Variants in ZKSCAN1 observed in about 807,000 individuals in gnomAD.
ZKSCAN1 encodes the protein zinc finger with KRAB and SCAN domains 1, also known as zinc finger protein with KRAB and SCAN domains 1.
A neutral mutation model predicts 51.6 loss-of-function variants in ZKSCAN1; 14 were observed. The ratio of observed to expected loss-of-function variants is 0.27; its 90% confidence interval spans 0.18 to 0.42. The LOEUF (loss-of-function observed/expected upper bound fraction) is 0.42, where lower values mean the gene tolerates loss of function less well. Ranked by LOEUF, ZKSCAN1 falls within the 10% of genes least tolerant of loss-of-function variation. ZKSCAN1 has a pLI of 1.00. For synonymous variants in ZKSCAN1, 263 were observed against 261.5 expected (o/e 1.01, Z -0.06); for missense variants, 531 against 710.0 (o/e 0.75, Z 2.86).
intron 5 of ZKSCAN1, among the ~76,000 whole-genome samples, chr7:100,031,101 G>C (rs928615154): frequency 6.6e-6 from 1 of 152,092 alleles, no homozygotes; most frequent in Admixed American, 6.6e-5. Flanking sequence ...AAGCCCTCAC[G>C]TGAGTACAGC....
At chr7:100,016,810 T>G (rs1584322964) in intron 1 of ZKSCAN1, 1 of 152,330 alleles carries the variant, frequency 6.6e-6, no homozygotes, top group South Asian at 2.1e-4. Flanking sequence ...TGAATTGAAT[T>G]GTGGAGAATT....
rs989206694 is a variant in ZKSCAN1, at chr7:100,039,451, G to A, written c.*5254G>A. 3.5e-5 allele frequency: 34 copies of A among 985,434 alleles called. No individual in the cohort carries two copies. The highest frequency in any genetic ancestry group is 5.2e-4 in the Middle Eastern group (1 of 1,914). 61.0% of individuals were successfully genotyped at this position (985,434 alleles called of 1,614,324 possible). A position where few individuals can be genotyped will look rare whatever the true frequency, so the allele number is the denominator to read the frequency against. On this transcript the variant is annotated 3_prime_UTR_variant, in exon 6 of 6. Transcript: ENST00000324306. The stretch of plus-strand genomic sequence containing the variant: ...TCTGATGAAGCTCGGGAAGCATTTT[G>A]CAATATTCCCTTTGGCTGTGTTCCT...
intron 1 of ZKSCAN1, among the ~76,000 whole-genome samples, chr7:100,020,127 A>G (rs939846871): frequency 6.6e-6 from 1 of 152,198 alleles, no homozygotes; most frequent in Non-Finnish European, 1.5e-5. Context: ...TCTTACTGTT[A>G]TAGTTATGAG....
chr7:100,030,006 G>A (rs748372740), intron 4 of ZKSCAN1, 54 bp downstream of exon 4: 396 of 1,592,418 alleles, frequency 2.5e-4, no homozygotes, highest in Non-Finnish European at 3.3e-4. Context: ...CTCTGTTCCT[G>A]AGCTCTCTTC....
In ZKSCAN1 at chr7:100,040,665, G is replaced by T. The variant is rs893307365; in HGVS notation, c.*6468G>T. 15 of 985,474 alleles carry T rather than the reference G, an allele frequency of 1.5e-5. No individual in the cohort carries two copies. The highest frequency in any genetic ancestry group is 1.8e-5 in the Non-Finnish European group (15 of 829,972). The allele number at this position is 985,474 out of a possible 1,614,324, so 61.0% of individuals were successfully genotyped here. A position where few individuals can be genotyped will look rare whatever the true frequency, so the allele number is the denominator to read the frequency against. Reference sequence around the variant, plus strand: ...AGTATGGAAGGAGAAGGGGGAAGAGGACGGTAACGGCCCCACACTCCAGGC... The same window carrying T: ...AGTATGGAAGGAGAAGGGGGAAGAGTACGGTAACGGCCCCACACTCCAGGC... On this transcript the variant is annotated 3_prime_UTR_variant, in exon 6 of 6. Coordinates refer to ENST00000324306, the MANE Select transcript of ZKSCAN1 (RefSeq NM_003439.4).
At position 100,034,133 on chromosome 7, in the gene ZKSCAN1, G is replaced by C; in HGVS notation, c.1628G>C (p.Arg543Thr). ...TLHHRIHARE[R>T]ASEYSPASLD... ...CATCACAGAATCCATGCCAGAGAGA[G>C]AGCCTCTGAGTACAGCCCAGCCTCC... The change falls in exon 6 of 6, where the codon AGA becomes ACA. Residue 543 changes from arginine to threonine, a missense_variant. By Grantham distance (71) the Arg-to-Thr change is moderately conservative (BLOSUM62 -1). This residue lies in a region of ZKSCAN1 where 128 missense variants were observed against 219.5 expected (regional missense o/e 0.58). Coordinates refer to ENST00000324306, the MANE Select transcript of ZKSCAN1 (RefSeq NM_003439.4). 1 of 1,590,146 alleles carries C rather than the reference G, an allele frequency of 6.3e-7. No individual in the cohort carries two copies.
At chr7:100,025,079 T>C (rs1790766833) in intron 3 of ZKSCAN1, 2 of 152,032 alleles carry the variant, frequency 1.3e-5, no homozygotes, top group African/African-American at 4.8e-5. Flanking sequence ...AAATGAACTA[T>C]GCGTAATGAA....
chr7:100,033,418 C>T lies in ZKSCAN1; in HGVS notation c.913C>T (p.Arg305Cys), dbSNP rs769933032. ...GRSQKEFGEK[R>C]DQEGKTGERQ... ...ATCCCAGAAAGAGTTTGGAGAGAAA[C>T]GTGACCAGGAGGGCAAAACAGGAGA... Residue 305 changes from arginine to cysteine, a missense_variant, in exon 6 of 6, where the codon CGT becomes TGT. Physicochemically the swap from Arg to Cys is radical, Grantham distance 180. Around this residue, in one of 2 missense-constraint regions of ZKSCAN1, gnomAD observed 403 missense variants for 490.5 expected, o/e 0.82. Coordinates refer to ENST00000324306, the MANE Select transcript of ZKSCAN1 (RefSeq NM_003439.4). This position sits in a 1 kb window ranked among gnomAD's most constrained non-coding sequence, Gnocchi z 4.1. 32 of 1,613,766 alleles carry T rather than the reference C, an allele frequency of 2.0e-5. No homozygotes were observed. The highest frequency in any genetic ancestry group is 1.5e-4 in the Admixed American group (9 of 59,942).
rs1479466278 is a variant in ZKSCAN1 at position 100,039,557 on chromosome 7, A to C, written c.*5360A>C. ...TTGCAAAGACTCGTTGCTGTGAAAG[A>C]ATCTTTTTTTAATTTTTATCCTAGA... On this transcript the variant is annotated 3_prime_UTR_variant, in exon 6 of 6. Coordinates refer to ENST00000324306, the MANE Select transcript of ZKSCAN1 (RefSeq NM_003439.4). 1.0e-6 allele frequency: 1 copy of C among 985,258 alleles called. No homozygotes were observed. Among genetic ancestry groups the C allele is most frequent in the Non-Finnish European group, 1.2e-6 (1 of 829,938 alleles). 61.0% of individuals were successfully genotyped at this position (985,258 alleles called of 1,614,324 possible).
chr7:100,016,120 G>A (rs1425401128), intron 1 of ZKSCAN1, among the ~76,000 whole-genome samples: 1 of 151,922 alleles, frequency 6.6e-6, no homozygotes, highest in Admixed American at 6.5e-5. Flanking sequence ...TTTGATTCCG[G>A]TGAGGTGTCT....
chr7:100,037,620 A>G lies in ZKSCAN1; in HGVS notation c.*3423A>G, dbSNP rs554751338. ...ACTGTAAATAAACTTGATGAATATTATATGTGAGGAAAACTTTCATGTATA... is the reference window on the plus strand; with the variant it reads ...ACTGTAAATAAACTTGATGAATATTGTATGTGAGGAAAACTTTCATGTATA... On this transcript the variant is annotated 3_prime_UTR_variant, in exon 6 of 6. Transcript: ENST00000324306. The G allele has an allele frequency of 3.7e-3, 3,681 of 985,468 alleles. 14 individuals carry two copies. Among genetic ancestry groups the G allele is most frequent in the Non-Finnish European group, 4.2e-3 (3,507 of 829,930 alleles). The allele number at this position is 985,468 out of a possible 1,614,324, so 61.0% of individuals were successfully genotyped here.
downstream of ZKSCAN1, among the ~76,000 whole-genome samples, chr7:100,044,296 T>G (rs1174114633): frequency 1.3e-5 from 2 of 152,112 alleles, no homozygotes; most frequent in African/African-American, 2.4e-5. Flanking sequence ...CTCTCTCCCC[T>G]CACTGCAAGA....
Position 100,038,459 on chromosome 7 carries a change from G to C in ZKSCAN1, c.*4262G>C. The C allele has an allele frequency of 1.0e-6, 1 of 985,154 alleles. No homozygotes were observed. The highest frequency in any genetic ancestry group is 1.2e-6 in the Non-Finnish European group (1 of 829,672). 61.0% of individuals were successfully genotyped at this position (985,154 alleles called of 1,614,324 possible). A position where few individuals can be genotyped will look rare whatever the true frequency, so the allele number is the denominator to read the frequency against. On this transcript the variant is annotated 3_prime_UTR_variant, in exon 6 of 6. Coordinates refer to ENST00000324306, the MANE Select transcript of ZKSCAN1 (RefSeq NM_003439.4). ...AGACAGGCTAATGGGGCACTGAAAT[G>C]GAACAACTCCTTTAAACGTGCAGCC...
At position 100,037,164 on chromosome 7, in the gene ZKSCAN1, T is replaced by C; in HGVS notation, c.*2967T>C. 1 of 985,450 alleles carries C rather than the reference T, an allele frequency of 1.0e-6. No individual in the cohort carries two copies. Among genetic ancestry groups the C allele is most frequent in the Non-Finnish European group, 1.2e-6 (1 of 829,932 alleles). 61.0% of individuals were successfully genotyped at this position (985,450 alleles called of 1,614,324 possible). ...GTCAAAAACGCTTGCAACATCTAAT[T>C]GGCGTTCAAGATAGTCATTCAAAAG... On this transcript the variant is annotated 3_prime_UTR_variant, in exon 6 of 6. Coordinates refer to ENST00000324306, the MANE Select transcript of ZKSCAN1 (RefSeq NM_003439.4).
intron 5 of ZKSCAN1, among the ~76,000 whole-genome samples, chr7:100,031,273 A>ATTTTT (rs60390216): frequency 5.8e-4 from 52 of 89,508 alleles, no homozygotes; most frequent in East Asian, 1.9e-3. Flanking sequence ...GTACTAGATG[A>ATTTTT]TTTTTTTTTT....
chr7:100,040,131 C>T lies in ZKSCAN1; in HGVS notation c.*5934C>T, dbSNP rs1032665696. The T allele has an allele frequency of 3.1e-6, 3 of 979,628 alleles. No individual in the cohort carries two copies. The African/African-American group carries it at 5.3e-5, about 17-fold the overall frequency. 60.7% of individuals were successfully genotyped at this position (979,628 alleles called of 1,614,324 possible). A position where few individuals can be genotyped will look rare whatever the true frequency, so the allele number is the denominator to read the frequency against. On this transcript the variant is annotated 3_prime_UTR_variant, in exon 6 of 6. Coordinates refer to ENST00000324306, the MANE Select transcript of ZKSCAN1 (RefSeq NM_003439.4). Reference sequence around the variant, plus strand: ...AAGTTATAGGGAGGTAAGCCATCTCCAACTCTGCAGGTCAAACGAAAGTTT... The same window carrying T: ...AAGTTATAGGGAGGTAAGCCATCTCTAACTCTGCAGGTCAAACGAAAGTTT...
chr7:100,027,504 A>G (rs1476292022), intron 3 of ZKSCAN1, among the ~76,000 whole-genome samples: 1 of 151,474 alleles, frequency 6.6e-6, no homozygotes, highest in Non-Finnish European at 1.5e-5. Context: ...TAATTCCAGC[A>G]CTTTGGGAAG....
rs538964102 is a variant in ZKSCAN1 at position 100,038,476 on chromosome 7, C to T, written c.*4279C>T. ...ACTGAAATGGAACAACTCCTTTAAA[C>T]GTGCAGCCTTTTGAATTTTTCCTCA... On this transcript the variant is annotated 3_prime_UTR_variant, in exon 6 of 6. Coordinates refer to ENST00000324306, the MANE Select transcript of ZKSCAN1 (RefSeq NM_003439.4). 3.0e-6 allele frequency: 3 copies of T among 985,324 alleles called. No homozygotes were observed. The highest frequency in any genetic ancestry group is 1.1e-4 in the East Asian group (1 of 8,834). 61.0% of individuals were successfully genotyped at this position (985,324 alleles called of 1,614,324 possible).
Position 100,038,192 on chromosome 7 carries a change from T to C in ZKSCAN1, c.*3995T>C, listed in dbSNP as rs1791445851. The C allele has an allele frequency of 1.0e-6, 1 of 985,348 alleles. No homozygotes were observed. The highest frequency in any genetic ancestry group is 1.2e-6 in the Non-Finnish European group (1 of 829,938). The allele number at this position is 985,348 out of a possible 1,614,324, so 61.0% of individuals were successfully genotyped here. A position where few individuals can be genotyped will look rare whatever the true frequency, so the allele number is the denominator to read the frequency against. On this transcript the variant is annotated 3_prime_UTR_variant, in exon 6 of 6. Coordinates refer to ENST00000324306, the MANE Select transcript of ZKSCAN1 (RefSeq NM_003439.4). ...TATGACCATAATGTCCGTGTGTGTT[T>C]TGTACCTTCAGTCCCTTGTTATTGT...
Sources: allele counts gnomAD v4.1 joint callset (sites outside exome capture counted in the v4.1 genomes callset), GRCh38; gene constraint gnomAD v4.1.1; regional missense constraint gnomAD v4.1.1; non-coding constraint Gnocchi (gnomAD v3.1); transcripts MANE v1.5; gene names NCBI Gene and HGNC (gene_info 2026-07-23, HGNC 2026-07-21).